Variants in SLC25A26 observed in about 807,000 individuals in gnomAD.
SLC25A26 encodes solute carrier family 25 member 26.
A neutral mutation model predicts 37.8 loss-of-function variants in SLC25A26; 36 were observed. That is an observed-to-expected ratio of 0.95 (90% CI 0.73 to 1.26). SLC25A26 has a LOEUF of 1.26. Ranked by LOEUF, SLC25A26 falls within the 50% of genes most tolerant of loss-of-function variation. The pLI is 0.00. For synonymous variants in SLC25A26, 129 were observed against 122.5 expected (o/e 1.05, Z -0.35); for missense variants, 390 against 331.1 (o/e 1.18, Z -1.38).
intron 5 of SLC25A26, among the ~76,000 whole-genome samples, chr3:66,283,109 A>G (rs1182512524): frequency 6.6e-6 from 1 of 152,184 alleles, no homozygotes; most frequent in Non-Finnish European, 1.5e-5. Context: ...TGATCTATTG[A>G]AGGACATTTG....
chr3:66,305,839 A>G (rs1404645775), intron 5 of SLC25A26, among the ~76,000 whole-genome samples: 3 of 152,062 alleles, frequency 2.0e-5, no homozygotes, highest in South Asian at 2.1e-4. Flanking sequence ...TGCTGGGTCA[A>G]ATGGTATTTC....
upstream of SLC25A26, chr3:66,220,644 A>T (rs1475690926): frequency 6.0e-6 from 1 of 167,936 alleles, no homozygotes; most frequent in African/African-American, 2.4e-5. Context: ...AACCAAAATG[A>T]AATATCCGAT....
chr3:66,272,777 C>G (rs2074001398), intron 5 of SLC25A26, among the ~76,000 whole-genome samples: 1 of 152,042 alleles, frequency 6.6e-6, no homozygotes, highest in Admixed American at 6.6e-5. Flanking sequence ...ATTTGAATAC[C>G]CTTTATTTGT....
intron 1 of SLC25A26, among the ~76,000 whole-genome samples, chr3:66,169,553 G>A (rs1004847323): frequency 5.3e-5 from 8 of 152,182 alleles, no homozygotes; most frequent in African/African-American, 1.4e-4. Context: ...GTTTTATTTC[G>A]TATGTTGCTT....
intron 1 of SLC25A26, among the ~76,000 whole-genome samples, chr3:66,209,073 C>T (rs1256401374): frequency 0.51 from 23,993 of 46,686 alleles, 6,153 homozygotes; most frequent in South Asian, 0.74. Context: ...TATACACACA[C>T]ACACCCATAT....
chr3:66,136,187 T>G (rs1325259157), intron 1 of SLC25A26, among the ~76,000 whole-genome samples: 2 of 152,252 alleles, frequency 1.3e-5, no homozygotes, highest in African/African-American at 4.8e-5. Flanking sequence ...TTTATTTCAG[T>G]GTTCCCATCT....
chr3:66,255,607 A>G (rs942406287), intron 3 of SLC25A26, among the ~76,000 whole-genome samples: 2 of 151,940 alleles, frequency 1.3e-5, no homozygotes, highest in African/African-American at 4.8e-5. Context: ...TGTGTCATGG[A>G]TTCATACTGA....
rs375674026 is a variant in SLC25A26 at position 66,315,858 on chromosome 3, A to G, written c.454-30506A>G. 6.6e-5 allele frequency among the ~76,000 whole-genome samples: 10 copies of G among 152,246 alleles called. No individual in the cohort carries two copies. In the East Asian group the frequency reaches 1.5e-3, roughly 24 times the overall value. On this transcript the variant is annotated intron_variant, in intron 5 of 9. Transcript: ENST00000354883. ...TTCTTCTTGATTTGAGCCCTTTACC[A>G]TCATGTAATGCCCTTTTTTGTCTTT...
At chr3:66,209,734 T>A (rs1411763931) in intron 1 of SLC25A26, among the ~76,000 whole-genome samples, 5 of 137,820 alleles carry the variant, frequency 3.6e-5, no homozygotes, top group Non-Finnish European at 7.8e-5. Context: ...AGGTATATAT[T>A]GGTATGGATA....
intron 1 of SLC25A26, among the ~76,000 whole-genome samples, chr3:66,164,626 G>C (rs1164891219): frequency 1.3e-5 from 2 of 152,166 alleles, no homozygotes; most frequent in African/African-American, 4.8e-5. Context: ...TTTCTGTAAA[G>C]GGCCACATAG....
intron 5 of SLC25A26, among the ~76,000 whole-genome samples, chr3:66,311,650 G>A (rs58471296): frequency 0.011 from 1,615 of 152,046 alleles, 27 homozygotes; most frequent in African/African-American, 0.036. Flanking sequence ...TCTTTGACGC[G>A]GATGACTTTT....
chr3:66,204,765 A>G (rs1378095336), intron 1 of SLC25A26, among the ~76,000 whole-genome samples: 16 of 152,196 alleles, frequency 1.1e-4, no homozygotes, highest in African/African-American at 3.9e-4. Flanking sequence ...GTACAATATC[A>G]TTTCAGTGAT....
intron 1 of SLC25A26, among the ~76,000 whole-genome samples, chr3:66,193,051 G>A (rs2070976230): frequency 6.6e-6 from 1 of 152,000 alleles, no homozygotes; most frequent in African/African-American, 2.4e-5. Flanking sequence ...GAGAGATACA[G>A]GTATGTATAT....
chr3:66,217,799 C>G (rs1182496800), upstream of SLC25A26, among the ~76,000 whole-genome samples: 1 of 152,188 alleles, frequency 6.6e-6, no homozygotes, highest in African/African-American at 2.4e-5. Flanking sequence ...ATCCGTCCAC[C>G]TTGGCCTCCC....
At chr3:66,339,481 TCC>T (rs2076160493) in intron 5 of SLC25A26, among the ~76,000 whole-genome samples, 1 of 151,988 alleles carries the variant, frequency 6.6e-6, no homozygotes, top group African/African-American at 2.4e-5. Context: ...GCCTTGCATA[TCC>T]CTTGTTCACC....
chr3:66,296,976 G>C (rs1304765699), intron 5 of SLC25A26, among the ~76,000 whole-genome samples: 1 of 152,208 alleles, frequency 6.6e-6, no homozygotes, highest in Non-Finnish European at 1.5e-5. Flanking sequence ...CAAGAGTCCA[G>C]ATTGTTGTCC....
upstream of SLC25A26, chr3:66,220,942 C>T: frequency 1.2e-6 from 1 of 817,296 alleles, no homozygotes; most frequent in Non-Finnish European, 2.0e-6. Flanking sequence ...GCCCAGGTGT[C>T]TCGCGTTGCA....
chr3:66,221,197 C>G lies in SLC25A26; in HGVS notation c.33+70C>G, dbSNP rs1047279441. The stretch of plus-strand genomic sequence containing the variant: ...CGGCATTGGAGCCCGCGGGCGTTCT[C>G]TGCACTGGTTTTCTTCCGGTTTTGC... On this transcript the variant is annotated intron_variant, in intron 1 of 9. Coordinates refer to ENST00000354883, the MANE Select transcript of SLC25A26 (RefSeq NM_001379210.1). The G allele has an allele frequency of 2.1e-6, 3 of 1,430,938 alleles. No homozygotes were observed. In the African/African-American group the frequency reaches 4.4e-5, roughly 21 times the overall value. 88.6% of individuals were successfully genotyped at this position (1,430,938 alleles called of 1,614,324 possible).
intron 1 of SLC25A26, among the ~76,000 whole-genome samples, chr3:66,164,554 C>A (rs2070400467): frequency 6.6e-6 from 1 of 152,078 alleles, no homozygotes; most frequent in African/African-American, 2.4e-5. Flanking sequence ...ATTCTTAAAC[C>A]ATTAAGGGCA....
Sources: gnomAD v4.1 joint callset for allele counts (sites outside exome capture counted in the v4.1 genomes callset) on GRCh38, gnomAD v4.1.1 for gene constraint, MANE v1.5 for transcripts, NCBI Gene and HGNC (gene_info 2026-07-23, HGNC 2026-07-21) for gene names.